Variants in UPF2 observed in about 807,000 individuals in gnomAD.
UPF2 encodes the protein UPF2 regulator of nonsense mediated mRNA decay.
A neutral mutation model predicts 141.4 loss-of-function variants in UPF2; 17 were observed. That is an observed-to-expected ratio of 0.12 (90% CI 0.08 to 0.18). The LOEUF (loss-of-function observed/expected upper bound fraction) is 0.18. UPF2 is among the 10% of genes least tolerant of loss of function. UPF2 has a pLI of 1.00. For synonymous variants in UPF2, 540 were observed against 498.0 expected (o/e 1.08, Z -1.12); for missense variants, 1,152 against 1,515.9 (o/e 0.76, Z 3.99).
intron 10 of UPF2, among the ~76,000 whole-genome samples, chr10:11,966,605 G>C (rs1833324940): frequency 6.6e-6 from 1 of 152,082 alleles, no homozygotes; most frequent in Non-Finnish European, 1.5e-5. Flanking sequence ...TGTATTTTTA[G>C]TAGAGACGGG....
chr10:11,997,242 A>G (rs938495449), intron 8 of UPF2, among the ~76,000 whole-genome samples: 3 of 152,150 alleles, frequency 2.0e-5, no homozygotes, highest in African/African-American at 7.2e-5. Context: ...ATACCTCTTA[A>G]CTATCATAAT....
intron 3 of UPF2, among the ~76,000 whole-genome samples, chr10:12,018,159 A>C (rs1299651547): frequency 2.6e-5 from 4 of 152,204 alleles, no homozygotes; most frequent in African/African-American, 7.2e-5. Context: ...TTAAAAACCT[A>C]AGGATCGGCC....
Position 11,966,473 on chromosome 10 carries a change from G to A in UPF2, c.2067+868C>T, listed in dbSNP as rs542881838. 2.0e-5 allele frequency among the ~76,000 whole-genome samples: 3 copies of A among 152,122 alleles called. 1 individual carries two copies. Among genetic ancestry groups the A allele is most frequent in the African/African-American group, 7.2e-5 (3 of 41,470 alleles). ...GACTTTCACTCTTGTTACCCAGACT[G>A]GAGTGCAATGGTGTGATCTTGGCGC... On this transcript the variant is annotated intron_variant, in intron 10 of 21. Coordinates refer to ENST00000357604, the MANE Select transcript of UPF2 (RefSeq NM_015542.4).
intron 9 of UPF2, among the ~76,000 whole-genome samples, chr10:11,972,079 A>C (rs1367814971): frequency 1.6e-4 from 25 of 151,794 alleles, no homozygotes; most frequent in Admixed American, 4.6e-4. Context: ...AAAAAAAAAA[A>C]AAACACACAA....
intron 4 of UPF2, among the ~76,000 whole-genome samples, chr10:12,005,616 T>C (rs962157050): frequency 2.0e-5 from 3 of 152,210 alleles, no homozygotes; most frequent in African/African-American, 7.2e-5. Context: ...TCACCCAGGC[T>C]GGAGTACAAT....
At chr10:12,026,004 G>T (rs1255564009) in intron 3 of UPF2, among the ~76,000 whole-genome samples, 2 of 152,076 alleles carry the variant, frequency 1.3e-5, no homozygotes, top group South Asian at 2.1e-4. Flanking sequence ...ATGTTGCCCA[G>T]GCTAGTCTCA....
At chr10:11,938,269 T>C (rs1832879276) in intron 18 of UPF2, among the ~76,000 whole-genome samples, 1 of 152,214 alleles carries the variant, frequency 6.6e-6, no homozygotes, top group Non-Finnish European at 1.5e-5. Context: ...CTAATTACAT[T>C]GATATGCCCT....
intron 14 of UPF2, 63 bp from the exon 15 acceptor site, chr10:11,952,312 T>C: frequency 1.4e-6 from 2 of 1,396,202 alleles, no homozygotes; most frequent in South Asian, 3.0e-5. Flanking sequence ...TTTAAAATAA[T>C]AAACTATATT....
chr10:11,925,729 G>A (rs934812931), intron 21 of UPF2, among the ~76,000 whole-genome samples: 1 of 152,216 alleles, frequency 6.6e-6, no homozygotes. Flanking sequence ...TTCTCCAGGG[G>A]AACAGCTGGA....
intron 4 of UPF2, among the ~76,000 whole-genome samples, chr10:12,005,005 G>A (rs1191483892): frequency 6.6e-6 from 1 of 151,810 alleles, no homozygotes; most frequent in Non-Finnish European, 1.5e-5. Context: ...GTAGCCATTT[G>A]ATAAATTAGG....
At chr10:12,029,952 C>T (rs894418193) in intron 2 of UPF2, among the ~76,000 whole-genome samples, 31 of 145,498 alleles carry the variant, frequency 2.1e-4, no homozygotes, top group Non-Finnish European at 3.6e-4. Context: ...AGCAAGACTC[C>T]GTCTCAAAAA....
intron 11 of UPF2, among the ~76,000 whole-genome samples, chr10:11,960,385 TTAAAATAAAATAAAG>T (rs1180488688): frequency 1.3e-5 from 2 of 151,558 alleles, no homozygotes; most frequent in South Asian, 2.1e-4. Flanking sequence ...CATCTCTACA[TTAAAATAAAATAAAG>T]TAAAATAAAA....
At chr10:11,997,936 C>T (rs1303575947) in intron 7 of UPF2, among the ~76,000 whole-genome samples, 179 bp from the exon 8 acceptor site, 2 of 151,904 alleles carry the variant, frequency 1.3e-5, no homozygotes. Flanking sequence ...AGAATAGTTA[C>T]CAAGAGCCAA....
In UPF2 at chr10:11,926,022, G is replaced by A. The variant is rs188936451; in HGVS notation, c.3809+3843C>T. ...ATTGGAAAGGGTTGAAGGTTGAGACGGAGAGGCTGATGAGGAGGCTGAGGC... is the reference window on the plus strand; with the variant it reads ...ATTGGAAAGGGTTGAAGGTTGAGACAGAGAGGCTGATGAGGAGGCTGAGGC... On this transcript the variant is annotated intron_variant, in intron 21 of 21. Transcript: ENST00000357604. Among the ~76,000 whole-genome samples, 10 of 152,308 alleles carry A rather than the reference G, an allele frequency of 6.6e-5. No homozygotes were observed. The East Asian group carries it at 7.7e-4, about 12-fold the overall frequency.
intron 12 of UPF2, among the ~76,000 whole-genome samples, chr10:11,957,262 C>T (rs1393771147): frequency 6.6e-6 from 1 of 151,868 alleles, no homozygotes; most frequent in African/African-American, 2.4e-5. Flanking sequence ...AACCCCATCT[C>T]TACTGAAAAT....
chr10:11,982,168 T>C (rs1833608271), intron 8 of UPF2, among the ~76,000 whole-genome samples: 1 of 151,564 alleles, frequency 6.6e-6, no homozygotes. Flanking sequence ...TTTTAACAAA[T>C]AAAGTATTCT....
chr10:11,969,432 G>C (rs1833378343), intron 9 of UPF2, among the ~76,000 whole-genome samples: 1 of 152,134 alleles, frequency 6.6e-6, no homozygotes, highest in South Asian at 2.1e-4. Context: ...GCCTCCAAAA[G>C]TGCTGGGATT....
chr10:12,025,938 C>T (rs994155845), intron 3 of UPF2, among the ~76,000 whole-genome samples: 3 of 152,126 alleles, frequency 2.0e-5, no homozygotes, highest in African/African-American at 7.2e-5. Flanking sequence ...AGACTACAAG[C>T]GCATGCCACC....
chr10:12,036,108 G>A (rs143344920), intron 1 of UPF2, among the ~76,000 whole-genome samples: 15 of 152,232 alleles, frequency 9.9e-5, no homozygotes, highest in Non-Finnish European at 1.8e-4. Context: ...CCTAAAATCC[G>A]TATGTTCTGT....
Sources: gnomAD v4.1 joint callset for allele counts (sites outside exome capture counted in the v4.1 genomes callset) on GRCh38, gnomAD v4.1.1 for gene constraint, MANE v1.5 for transcripts, NCBI Gene and HGNC (gene_info 2026-07-23, HGNC 2026-07-21) for gene names.